CATSPERT: variants seen among roughly 807,000 people sequenced by gnomAD.
The protein encoded by CATSPERT is cation channel sperm-associated targeting subunit tau.
chr2:201,524,263 A>G, the CATSPERT span, among the ~76,000 whole-genome samples: 5 of 152,198 alleles, frequency 3.3e-5, no homozygotes, highest in African/African-American at 1.2e-4. Flanking sequence ...CATCAGGCTC[A>G]CAAGAGACCC....
chr2:201,490,235 AAAAAG>A, the CATSPERT span, among the ~76,000 whole-genome samples: 5 of 152,250 alleles, frequency 3.3e-5, no homozygotes, highest in African/African-American at 9.6e-5. Flanking sequence ...ATGGTGGTGA[AAAAAG>A]AAAAGACTAG....
the CATSPERT span, chr2:201,495,974 T>A: frequency 6.5e-7 from 1 of 1,549,106 alleles, no homozygotes; most frequent in Non-Finnish European, 8.8e-7. Context: ...AGCCACCTTA[T>A]AAAAAAAGAA....
the CATSPERT span, chr2:201,556,031 G>C: frequency 6.6e-6 from 1 of 151,980 alleles, no homozygotes; most frequent in Admixed American, 6.6e-5. Flanking sequence ...AATTATTCTA[G>C]GACCTACATA....
the CATSPERT span, chr2:201,511,853 A>C: frequency 6.7e-6 from 1 of 149,758 alleles, no homozygotes; most frequent in African/African-American, 2.5e-5. Flanking sequence ...ATTAAAAAAA[A>C]AAAAAAAAAA....
At chr2:201,487,914 A>G in the CATSPERT span, 1 of 1,555,372 alleles carries the variant, frequency 6.4e-7, no homozygotes. Context: ...TAAATAATAA[A>G]ATAAAAGATC....
the CATSPERT span, chr2:201,493,866 G>A: frequency 0.052 from 79,868 of 1,536,398 alleles, 2,255 homozygotes; most frequent in African/African-American, 0.073. Context: ...CATCAGCTTC[G>A]AAGTGTTTTT....
the CATSPERT span, among the ~76,000 whole-genome samples, chr2:201,504,918 A>G: frequency 6.6e-6 from 1 of 152,070 alleles, no homozygotes; most frequent in Admixed American, 6.5e-5. Flanking sequence ...TGTGTAAAGG[A>G]CCCCCTGGTC....
chr2:201,541,677 C>T, the CATSPERT span, among the ~76,000 whole-genome samples: 3 of 150,856 alleles, frequency 2.0e-5, no homozygotes, highest in African/African-American at 7.3e-5. Context: ...CTTACTGCAA[C>T]CTCCACCTCC....
chr2:201,491,943 T>C, the CATSPERT span: 1 of 1,537,036 alleles, frequency 6.5e-7, no homozygotes, highest in South Asian at 1.2e-5. Flanking sequence ...GTATTTCTGA[T>C]GACTTACTTA....
chr2:201,564,001 G>A, the CATSPERT span, among the ~76,000 whole-genome samples: 6 of 152,124 alleles, frequency 3.9e-5, no homozygotes, highest in Non-Finnish European at 5.9e-5. Context: ...GAAATACAAC[G>A]ATGTGAGAAC....
the CATSPERT span, among the ~76,000 whole-genome samples, chr2:201,545,975 A>C: frequency 6.6e-6 from 1 of 152,172 alleles, no homozygotes; most frequent in African/African-American, 2.4e-5. Flanking sequence ...GAAACAGATT[A>C]CTTTTTTTAT....
chr2:201,491,789 A>C, the CATSPERT span: 3 of 1,537,098 alleles, frequency 2.0e-6, no homozygotes, highest in Admixed American at 5.9e-5. Context: ...GTCTTTTCAC[A>C]CCAAGCTTTT....
At chr2:201,514,768 GC>G in the CATSPERT span, among the ~76,000 whole-genome samples, 1 of 152,202 alleles carries the variant, frequency 6.6e-6, no homozygotes, top group African/African-American at 2.4e-5. Flanking sequence ...TGCATAGCTG[GC>G]CCTTGGGCTA....
At chr2:201,540,560 C>T in the CATSPERT span, among the ~76,000 whole-genome samples, 4 of 152,208 alleles carry the variant, frequency 2.6e-5, no homozygotes, top group African/African-American at 9.6e-5. Flanking sequence ...GCATGGATGA[C>T]AGCAGATCTG....
At chr2:201,540,703 G>C in the CATSPERT span, among the ~76,000 whole-genome samples, 1 of 152,216 alleles carries the variant, frequency 6.6e-6, no homozygotes, top group African/African-American at 2.4e-5. Context: ...GGAAATGTCT[G>C]AGGACATTAA....
the CATSPERT span, among the ~76,000 whole-genome samples, chr2:201,605,085 A>ATACAC: frequency 1.3e-5 from 2 of 149,428 alleles, no homozygotes; most frequent in Non-Finnish European, 3.0e-5. Flanking sequence ...CACATACACA[A>ATACAC]ACATATATAT....
chr2:201,565,543 G>A, the CATSPERT span, among the ~76,000 whole-genome samples: 1 of 151,982 alleles, frequency 6.6e-6, no homozygotes. Flanking sequence ...TTTCAAACAA[G>A]ATACCTAAAT....
the CATSPERT span, among the ~76,000 whole-genome samples, chr2:201,582,578 A>G: frequency 4.6e-5 from 7 of 152,328 alleles, no homozygotes; most frequent in African/African-American, 1.4e-4. Context: ...AAGATAATCA[A>G]CTACCCAATA....
chr2:201,539,041 T>A, the CATSPERT span, among the ~76,000 whole-genome samples: 1 of 152,146 alleles, frequency 6.6e-6, no homozygotes, highest in Non-Finnish European at 1.5e-5. Flanking sequence ...GTATATGTAC[T>A]ACATTTTCTT....
Sources: gnomAD v4.1 joint callset for allele counts (sites outside exome capture counted in the v4.1 genomes callset) on GRCh38, gnomAD v4.1.1 for gene constraint, MANE v1.5 for transcripts, NCBI Gene and HGNC (gene_info 2026-07-23, HGNC 2026-07-21) for gene names.